Variants in OSBPL10 observed in about 807,000 individuals in gnomAD.
OSBPL10 encodes oxysterol binding protein like 10, also known as oxysterol-binding protein-related protein 10.
In OSBPL10, 49 loss-of-function variants were observed where a neutral mutation model predicts 81.7. The observed-to-expected ratio is 0.60, with a 90% CI of 0.48 to 0.76. The LOEUF is 0.76. Among genes scored for constraint, OSBPL10 ranks in the 30% least tolerant of loss-of-function variants. OSBPL10 has a pLI of 0.00. For synonymous variants in OSBPL10, 419 were observed against 383.6 expected (o/e 1.09, Z -1.08); for missense variants, 923 against 987.8 (o/e 0.93, Z 0.88).
chr3:31,990,149 TCA>T (rs1054107371), intron 2 of OSBPL10: 7 of 1,611,710 alleles, frequency 4.3e-6, no homozygotes, highest in Non-Finnish European at 5.9e-6. Flanking sequence ...GATTCACACC[TCA>T]CACAACACAC....
At chr3:31,859,777 G>A (rs1443599170) in intron 3 of OSBPL10, among the ~76,000 whole-genome samples, 1 of 152,136 alleles carries the variant, frequency 6.6e-6, no homozygotes, top group Non-Finnish European at 1.5e-5. Context: ...TGAGACATTG[G>A]AAAGGGCTTT....
intron 3 of OSBPL10, among the ~76,000 whole-genome samples, chr3:31,846,865 A>G (rs1232227371): frequency 6.6e-6 from 1 of 152,104 alleles, no homozygotes; most frequent in Non-Finnish European, 1.5e-5. Context: ...ATCTGAGTGT[A>G]CATCCTTTAG....
intron 7 of OSBPL10, among the ~76,000 whole-genome samples, chr3:31,687,795 C>A (rs963246277): frequency 3.3e-5 from 5 of 152,048 alleles, no homozygotes; most frequent in African/African-American, 1.2e-4. Flanking sequence ...GGGGAAGAGC[C>A]AGGTATGGTG....
At position 31,869,742 on chromosome 3, in the gene OSBPL10, T is replaced by C. The variant is rs573386547; in HGVS notation, c.537+6691A>G. On this transcript the variant is annotated intron_variant, in intron 3 of 11. Coordinates refer to ENST00000396556, the MANE Select transcript of OSBPL10 (RefSeq NM_017784.5). ...TAGTCACTTAACAGTTGTGTAACTT[T>C]CAGCCTGTCATTTAGGTTCAGTTGG... Among the ~76,000 whole-genome samples the C allele has an allele frequency of 4.0e-3, 606 of 152,322 alleles. 2 individuals are homozygous for C. Among genetic ancestry groups the C allele is most frequent in the African/African-American group, 0.014 (563 of 41,568 alleles).
rs532609027 is a variant in OSBPL10, at chr3:31,789,396, G to C, written c.729+40644C>G. Reference sequence around the variant, plus strand: ...AGGTCCTTGAGTCCATCATGAAAGAGTAGTCTAGTCAGCCTTTGTTGGAAA... The same window carrying C: ...AGGTCCTTGAGTCCATCATGAAAGACTAGTCTAGTCAGCCTTTGTTGGAAA... On this transcript the variant is annotated intron_variant, in intron 4 of 11. Transcript: ENST00000396556. 3.3e-5 allele frequency among the ~76,000 whole-genome samples: 5 copies of C among 152,288 alleles called. No individual in the cohort carries two copies. The East Asian group carries it at 9.6e-4, about 29-fold the overall frequency.
intron 1 of OSBPL10, among the ~76,000 whole-genome samples, chr3:31,904,113 CT>C (rs1422947148): frequency 6.6e-6 from 1 of 152,216 alleles, no homozygotes; most frequent in Non-Finnish European, 1.5e-5. Flanking sequence ...CATTCTGCCT[CT>C]TCCGGCCACT....
intron 1 of OSBPL10, among the ~76,000 whole-genome samples, chr3:31,962,451 T>C (rs940160697): frequency 6.6e-6 from 1 of 151,886 alleles, no homozygotes; most frequent in Non-Finnish European, 1.5e-5. Context: ...ATGAATATAC[T>C]TATGCCACCA....
intron 2 of OSBPL10, among the ~76,000 whole-genome samples, chr3:31,879,250 G>A (rs772701593): frequency 6.6e-6 from 1 of 152,138 alleles, no homozygotes; most frequent in Non-Finnish European, 1.5e-5. Flanking sequence ...CTAAGAAACG[G>A]TTCTAGAGAA....
intron 1 of OSBPL10, among the ~76,000 whole-genome samples, chr3:31,919,915 T>C (rs1470619419): frequency 1.3e-5 from 2 of 152,208 alleles, no homozygotes; most frequent in East Asian, 3.9e-4. Flanking sequence ...ATGGACGTGT[T>C]GTTAAGATAA....
At chr3:31,766,946 C>A (rs1698219777) in intron 4 of OSBPL10, among the ~76,000 whole-genome samples, 1 of 152,132 alleles carries the variant, frequency 6.6e-6, no homozygotes, top group East Asian at 1.9e-4. Flanking sequence ...AGTACAATCT[C>A]ATAATGAAAA....
At chr3:31,679,089 C>T (rs1264938836) in intron 8 of OSBPL10, among the ~76,000 whole-genome samples, 5 of 152,076 alleles carry the variant, frequency 3.3e-5, no homozygotes, top group African/African-American at 1.2e-4. Flanking sequence ...GCTGCAGACA[C>T]AGTGGCCCCT....
Position 32,019,124 on chromosome 3 carries a change from A to T in OSBPL10, n.298+27367T>A, listed in dbSNP as rs567480339. ...CACATTCCAGTTTTAGAACATCAAC[A>T]TCACCCACCCCCCCAAATTCCCTTG... On this transcript the variant is annotated intron_variant and non_coding_transcript_variant, in intron 2 of 3. Coordinates refer to the OSBPL10 transcript ENST00000479173. Among the ~76,000 whole-genome samples, 6 of 152,210 alleles carry T rather than the reference A, an allele frequency of 3.9e-5. No individual in the cohort carries two copies. The East Asian group carries it at 1.2e-3, about 30-fold the overall frequency.
intron 1 of OSBPL10, among the ~76,000 whole-genome samples, chr3:32,075,947 C>T (rs759042046): frequency 3.3e-5 from 5 of 152,306 alleles, no homozygotes; most frequent in African/African-American, 9.6e-5. Context: ...CAATGTACTT[C>T]GTAATCTCCC....
intron 5 of OSBPL10, among the ~76,000 whole-genome samples, chr3:31,744,510 C>A (rs1697458866): frequency 7.6e-6 from 1 of 131,464 alleles, no homozygotes; most frequent in African/African-American, 2.8e-5. Flanking sequence ...TGCACTCCAC[C>A]CTGGGTGATA....
At chr3:31,817,113 C>A (rs1369606136) in intron 4 of OSBPL10, among the ~76,000 whole-genome samples, 1 of 152,286 alleles carries the variant, frequency 6.6e-6, no homozygotes, top group East Asian at 1.9e-4. Context: ...CCAACTGGTC[C>A]ATGGGTGGCC....
intron 1 of OSBPL10, among the ~76,000 whole-genome samples, chr3:32,075,008 A>G (rs1699862337): frequency 6.6e-6 from 1 of 152,192 alleles, no homozygotes; most frequent in African/African-American, 2.4e-5. Flanking sequence ...TGACGCCAAC[A>G]CGACCAAAAA....
chr3:31,709,978 C>A (rs1267724200), intron 6 of OSBPL10, among the ~76,000 whole-genome samples: 1 of 152,200 alleles, frequency 6.6e-6, no homozygotes, highest in African/African-American at 2.4e-5. Context: ...GGGCCAAGGT[C>A]TTCAGGCAGC....
chr3:32,041,344 C>G (rs1699573370), intron 2 of OSBPL10, among the ~76,000 whole-genome samples: 2 of 152,208 alleles, frequency 1.3e-5, no homozygotes, highest in African/African-American at 4.8e-5. Context: ...TGCCGCAAAG[C>G]AGTAAAGACT....
intron 7 of OSBPL10, among the ~76,000 whole-genome samples, chr3:31,696,588 G>A (rs935639945): frequency 3.3e-5 from 5 of 152,168 alleles, no homozygotes; most frequent in African/African-American, 4.8e-5. Flanking sequence ...CTCTCTTCAC[G>A]TGGCTTCCAC....
Sources: allele counts gnomAD v4.1 joint callset (sites outside exome capture counted in the v4.1 genomes callset), GRCh38; gene constraint gnomAD v4.1.1; transcripts MANE v1.5; gene names NCBI Gene and HGNC (gene_info 2026-07-23, HGNC 2026-07-21).